The following VWC2 variants were observed in gnomAD, a reference collection of about 807,000 sequenced individuals.
The protein encoded by VWC2 is brorin.
VWC2 carries 14 observed loss-of-function variants against 29.8 expected under a neutral mutation model. The ratio of observed to expected loss-of-function variants is 0.47; its 90% confidence interval spans 0.31 to 0.74. The LOEUF is 0.74. VWC2 is among the 30% of genes least tolerant of loss of function. The probability of loss-of-function intolerance (pLI) is 0.05; values close to 1 mark genes in which losing one functional copy is unlikely to be tolerated. For missense variants in VWC2, 457 were observed against 459.8 expected (o/e 0.99, Z 0.05); for synonymous variants, 213 against 199.0 (o/e 1.07, Z -0.59).
intron 3 of VWC2, among the ~76,000 whole-genome samples, chr7:49,822,903 T>C (rs898499757): frequency 6.6e-6 from 1 of 152,240 alleles, no homozygotes; most frequent in African/African-American, 2.4e-5. Flanking sequence ...CTTCATTCAT[T>C]TACTACTTGG....
intron 3 of VWC2, among the ~76,000 whole-genome samples, chr7:49,854,429 A>G (rs1168473969): frequency 6.6e-6 from 1 of 151,956 alleles, no homozygotes; most frequent in Admixed American, 6.5e-5. Flanking sequence ...ATGGTATCTC[A>G]TTGTGGTTTT....
chr7:49,913,197 A>G lies in VWC2; in HGVS notation c.*1012A>G, dbSNP rs777657735. 4.6e-5 allele frequency: 7 copies of G among 152,218 alleles called. No individual in the cohort carries two copies. The highest frequency in any genetic ancestry group is 7.3e-5 in the Non-Finnish European group (5 of 68,048). The allele number at this position is 152,218 out of a possible 1,614,324, so 9.4% of individuals were successfully genotyped here. ...GTAAAATCTTGACTGATAACCTTGAATTAGCCACCCTTCACAAGCAGAGTG... is the reference window on the plus strand; with the variant it reads ...GTAAAATCTTGACTGATAACCTTGAGTTAGCCACCCTTCACAAGCAGAGTG... On this transcript the variant is annotated 3_prime_UTR_variant, in exon 4 of 4. Coordinates refer to ENST00000340652, the MANE Select transcript of VWC2 (RefSeq NM_198570.5).
chr7:49,797,983 A>G (rs970142336), intron 2 of VWC2, among the ~76,000 whole-genome samples: 6 of 152,280 alleles, frequency 3.9e-5, no homozygotes, highest in Non-Finnish European at 7.3e-5. Flanking sequence ...CTTTAAACTT[A>G]GGTTGTCCCT....
chr7:49,905,503 TATA>T (rs1443527080), intron 3 of VWC2, among the ~76,000 whole-genome samples: 1 of 152,270 alleles, frequency 6.6e-6, no homozygotes, highest in Non-Finnish European at 1.5e-5. Flanking sequence ...TCATTGGTAA[TATA>T]TTTTAATGTG....
At chr7:49,791,485 T>C (rs746131367) in intron 2 of VWC2, among the ~76,000 whole-genome samples, 11 of 152,242 alleles carry the variant, frequency 7.2e-5, no homozygotes, top group Non-Finnish European at 1.5e-4. Context: ...TTTCCTTCCA[T>C]GGCTCCCAAT....
In VWC2 at chr7:49,861,670, A is replaced by G. The variant is rs577570665; in HGVS notation, c.827-50364A>G. ...AGGCCAATTTTGAGTTAATTTTTGTATATGGTATGAGGTAGGGGACCAACT... is the reference window on the plus strand; with the variant it reads ...AGGCCAATTTTGAGTTAATTTTTGTGTATGGTATGAGGTAGGGGACCAACT... On this transcript the variant is annotated intron_variant, in intron 3 of 3. Coordinates refer to ENST00000340652, the MANE Select transcript of VWC2 (RefSeq NM_198570.5). 5.8e-4 allele frequency among the ~76,000 whole-genome samples: 88 copies of G among 152,286 alleles called. 1 individual carries two copies. The highest frequency in any genetic ancestry group is 1.1e-3 in the Non-Finnish European group (76 of 68,022).
rs536527685 is a variant in VWC2 at position 49,814,603 on chromosome 7, A to G, written c.826+11763A>G. Among the ~76,000 whole-genome samples, 5 of 152,288 alleles carry G rather than the reference A, an allele frequency of 3.3e-5. No homozygotes were observed. In the East Asian group the frequency reaches 9.6e-4, roughly 29 times the overall value. On this transcript the variant is annotated intron_variant, in intron 3 of 3. Transcript: ENST00000340652. ...TGCTACCAGTTTATTGGGCTGAAGT[A>G]CTTTTCAGAATTAAGTGTACTTCTA...
At chr7:49,874,003 A>AGTGT (rs147898113) in intron 3 of VWC2, among the ~76,000 whole-genome samples, 1 of 151,252 alleles carries the variant, frequency 6.6e-6, no homozygotes, top group South Asian at 2.1e-4. Context: ...TATTGTTTGG[A>AGTGT]GTGTGTGTGT....
intron 3 of VWC2, among the ~76,000 whole-genome samples, chr7:49,836,681 TAC>T (rs1789672525): frequency 6.9e-6 from 1 of 145,746 alleles, no homozygotes; most frequent in African/African-American, 2.5e-5. Flanking sequence ...AATAAATAAA[TAC>T]AAAAAATCTA....
intron 2 of VWC2, among the ~76,000 whole-genome samples, chr7:49,784,380 A>G (rs1385493023): frequency 1.3e-5 from 2 of 152,236 alleles, no homozygotes; most frequent in Non-Finnish European, 2.9e-5. Context: ...AAGAGAAATT[A>G]ATTTCTAGAG....
intron 3 of VWC2, among the ~76,000 whole-genome samples, chr7:49,869,967 T>A (rs1791072096): frequency 6.6e-6 from 1 of 152,190 alleles, no homozygotes; most frequent in Non-Finnish European, 1.5e-5. Context: ...AATATTATGC[T>A]GAATAAAAGA....
Position 49,915,961 on chromosome 7 carries a change from G to A in VWC2, c.*3776G>A, listed in dbSNP as rs1270885202. 6.6e-6 allele frequency: 1 copy of A among 152,116 alleles called. No homozygotes were observed. Among genetic ancestry groups the A allele is most frequent in the East Asian group, 1.9e-4 (1 of 5,200 alleles). 9.4% of individuals were successfully genotyped at this position (152,116 alleles called of 1,614,324 possible). A position where few individuals can be genotyped will look rare whatever the true frequency, so the allele number is the denominator to read the frequency against. On this transcript the variant is annotated 3_prime_UTR_variant, in exon 4 of 4. Transcript: ENST00000340652. ...CTAGTAGCATCTGATGGTTGATACA[G>A]TCAGTAACTATTCTGAAGAATCAGA... is the stretch of plus-strand genomic sequence containing the variant.
At chr7:49,906,704 C>T (rs1323830332) in intron 3 of VWC2, among the ~76,000 whole-genome samples, 2 of 152,206 alleles carry the variant, frequency 1.3e-5, no homozygotes, top group Admixed American at 1.3e-4. Context: ...TTCTTTTAAT[C>T]ACAGCAGTGG....
chr7:49,826,502 A>G (rs1789394807), intron 3 of VWC2, among the ~76,000 whole-genome samples: 1 of 152,238 alleles, frequency 6.6e-6, no homozygotes, highest in Non-Finnish European at 1.5e-5. Context: ...TTCTAACTAT[A>G]GCATTGCAGA....
intron 3 of VWC2, among the ~76,000 whole-genome samples, chr7:49,850,007 A>G (rs1305321668): frequency 6.6e-6 from 1 of 152,206 alleles, no homozygotes; most frequent in Non-Finnish European, 1.5e-5. Context: ...GCACAGTGCC[A>G]CTGCACAGTG....
rs939173413 is a variant in VWC2 at position 49,914,159 on chromosome 7, A to G, written c.*1974A>G. ...TTGCTAATAAATGGCCCTAGCCCCC[A>G]TGGGTAGGTGGGCCATTAGTAACCT... On this transcript the variant is annotated 3_prime_UTR_variant, in exon 4 of 4. Coordinates refer to ENST00000340652, the MANE Select transcript of VWC2 (RefSeq NM_198570.5). 3.3e-5 allele frequency: 5 copies of G among 152,218 alleles called. No homozygotes were observed. Among genetic ancestry groups the G allele is most frequent in the African/African-American group, 1.2e-4 (5 of 41,456 alleles). The allele number at this position is 152,218 out of a possible 1,614,324, so 9.4% of individuals were successfully genotyped here.
At chr7:49,862,612 C>T (rs577533300) in intron 3 of VWC2, among the ~76,000 whole-genome samples, 1 of 151,152 alleles carries the variant, frequency 6.6e-6, no homozygotes, top group African/African-American at 2.4e-5. Flanking sequence ...TCATAAAAGA[C>T]TTTATGATGA....
chr7:49,820,384 T>A (rs1789239514), intron 3 of VWC2, among the ~76,000 whole-genome samples: 1 of 151,998 alleles, frequency 6.6e-6, no homozygotes, highest in Non-Finnish European at 1.5e-5. Flanking sequence ...CCATGAGTAA[T>A]GAAAGCCTGA....
At chr7:49,822,754 G>A (rs2128709781) in intron 3 of VWC2, among the ~76,000 whole-genome samples, 1 of 152,314 alleles carries the variant, frequency 6.6e-6, no homozygotes, top group African/African-American at 2.4e-5. Context: ...CAGAATTTCA[G>A]TTGAGAATCA....
Sources: gnomAD v4.1 joint callset for allele counts (sites outside exome capture counted in the v4.1 genomes callset) on GRCh38, gnomAD v4.1.1 for gene constraint, MANE v1.5 for transcripts, NCBI Gene and HGNC (gene_info 2026-07-23, HGNC 2026-07-21) for gene names.